Variants in ARID1B observed in about 807,000 individuals in gnomAD.
The protein encoded by ARID1B is AT-rich interaction domain 1B, also known as AT-rich interactive domain-containing protein 1B.
A neutral mutation model predicts 212.3 loss-of-function variants in ARID1B; 30 were observed. The ratio of observed to expected loss-of-function variants is 0.14; its 90% CI spans 0.11 to 0.19. The LOEUF (loss-of-function observed/expected upper bound fraction) is 0.19, where lower values mean the gene tolerates loss of function less well. ARID1B is among the 10% of genes least tolerant of loss of function. The pLI is 1.00. For synonymous variants in ARID1B, 1,402 were observed against 1,301.7 expected, an observed-to-expected ratio of 1.08 and a Z score of -1.66; for missense variants, 2,891 against 3,204.0, an observed-to-expected ratio of 0.90 and a Z score of 2.36.
intron 2 of ARID1B, among the ~76,000 whole-genome samples, chr6:156,896,249 A>G (rs1275186520): frequency 6.6e-6 from 1 of 152,164 alleles, no homozygotes; most frequent in Non-Finnish European, 1.5e-5. Flanking sequence ...TCATGGGGTC[A>G]GTGTACCTTT....
chr6:156,875,962 A>T lies in ARID1B; in HGVS notation c.1987-25414A>T, dbSNP rs115626941. Among the ~76,000 whole-genome samples the T allele has an allele frequency of 3.1e-3, 477 of 152,364 alleles. 4 individuals carry two copies. Among genetic ancestry groups the T allele is most frequent in the African/African-American group, 0.011 (460 of 41,578 alleles). ...CTGCTTTCCTGAAATTGCAAATTCC[A>T]TTCCAGATTTTAGTGTTACTGAAGT... On this transcript the variant is annotated intron_variant, in intron 2 of 19. Coordinates refer to ENST00000636930, the MANE Select transcript of ARID1B (RefSeq NM_001374828.1).
chr6:156,897,624 T>G (rs1454223703), intron 2 of ARID1B, among the ~76,000 whole-genome samples: 4 of 151,980 alleles, frequency 2.6e-5, no homozygotes, highest in African/African-American at 9.7e-5. Flanking sequence ...TGAGGCATTT[T>G]TTTTTGAGAT....
intron 4 of ARID1B, among the ~76,000 whole-genome samples, chr6:156,949,355 C>T (rs1384139394): frequency 6.6e-6 from 1 of 152,202 alleles, no homozygotes; most frequent in Non-Finnish European, 1.5e-5. Flanking sequence ...AGCCGGGATA[C>T]TCCACCTAGA....
chr6:157,201,945 C>A lies in ARID1B; in HGVS notation c.5263+457C>A, dbSNP rs866242572. Among the ~76,000 whole-genome samples the A allele has an allele frequency of 3.9e-5, 6 of 152,124 alleles. No homozygotes were observed. The highest frequency in any genetic ancestry group is 4.4e-5 in the Non-Finnish European group (3 of 68,026). On this transcript the variant is annotated intron_variant, in intron 18 of 19. Transcript: ENST00000636930. The surrounding 1 kb of genome is among the most constrained non-coding windows in gnomAD (Gnocchi z 5.2). ...ATCACTACAATACGTGCCTAACAGA[C>A]CCCCCCATGAGGCTAATGAAATGCT...
In ARID1B at chr6:157,200,126, C is replaced by T. The variant is rs1350681044; in HGVS notation, c.4480-579C>T. On this transcript the variant is annotated intron_variant, in intron 17 of 19. Coordinates refer to ENST00000636930, the MANE Select transcript of ARID1B (RefSeq NM_001374828.1). This position sits in a 1 kb window ranked among gnomAD's most constrained non-coding sequence, Gnocchi z 4.3. ...AGCTTAATAACAGGTGTGGTCCCAG[C>T]CCTGTCCTCAGTGCTGGGACCAGTG... Among the ~76,000 whole-genome samples the T allele has an allele frequency of 1.3e-5, 2 of 152,186 alleles. No homozygotes were observed. Among genetic ancestry groups the T allele is most frequent in the African/African-American group, 4.8e-5 (2 of 41,420 alleles).
intron 4 of ARID1B, among the ~76,000 whole-genome samples, chr6:156,991,105 C>T (rs973868016): frequency 4.6e-5 from 7 of 152,188 alleles, no homozygotes; most frequent in South Asian, 2.1e-4. Flanking sequence ...ACTTGACTTG[C>T]CGACTGTTGC....
At chr6:156,855,870 T>C (rs1257519837) in intron 2 of ARID1B, among the ~76,000 whole-genome samples, 2 of 152,358 alleles carry the variant, frequency 1.3e-5, no homozygotes, top group African/African-American at 4.8e-5. Flanking sequence ...AGGGATGCTA[T>C]CATACTTTTA....
chr6:157,008,043 A>C (rs1015749020), intron 4 of ARID1B, among the ~76,000 whole-genome samples: 13 of 152,226 alleles, frequency 8.5e-5, no homozygotes, highest in Non-Finnish European at 1.9e-4. Context: ...CAAAACATTT[A>C]AATTCGGCAA....
At chr6:157,184,183 A>G (rs1280249354) in intron 12 of ARID1B, 48 bp from the exon 13 acceptor site, 1 of 1,533,334 alleles carries the variant, frequency 6.5e-7, no homozygotes, top group East Asian at 2.3e-5. Context: ...CTGGCTTTAA[A>G]CAAGCCACTT....
At chr6:157,062,489 G>C (rs533891568) in intron 4 of ARID1B, among the ~76,000 whole-genome samples, 1 of 151,784 alleles carries the variant, frequency 6.6e-6, no homozygotes, top group Non-Finnish European at 1.5e-5. Flanking sequence ...GTGAGCCACC[G>C]AACATGGCTT....
intron 2 of ARID1B, among the ~76,000 whole-genome samples, chr6:156,880,989 G>A (rs1787035488): frequency 6.6e-6 from 1 of 152,186 alleles, no homozygotes; most frequent in Non-Finnish European, 1.5e-5. Context: ...AAAGAGAAGG[G>A]TTTAGAATTC....
At chr6:157,179,404 T>A (rs2128313625) in intron 11 of ARID1B, among the ~76,000 whole-genome samples, 1 of 152,178 alleles carries the variant, frequency 6.6e-6, no homozygotes, top group East Asian at 1.9e-4. Context: ...ATATGAAAAA[T>A]AAGCTTTAAA....
At position 157,210,009 on chromosome 6, in the gene ARID1B, A is replaced by G; in HGVS notation, c.*2118A>G. 2 of 233,166 alleles carry G rather than the reference A, an allele frequency of 8.6e-6. No individual in the cohort carries two copies. Among genetic ancestry groups the G allele is most frequent in the Non-Finnish European group, 1.7e-5 (2 of 117,998 alleles). The allele number at this position is 233,166 out of a possible 1,614,324, so 14.4% of individuals were successfully genotyped here. On this transcript the variant is annotated 3_prime_UTR_variant, in exon 20 of 20. Coordinates refer to ENST00000636930, the MANE Select transcript of ARID1B (RefSeq NM_001374828.1). Reference sequence around the variant, plus strand: ...CCTCGCATACATTGTGTCGGTTCACATTACTCACAGTAATATATGGAAGAG... The same window carrying G: ...CCTCGCATACATTGTGTCGGTTCACGTTACTCACAGTAATATATGGAAGAG...
rs530148132 is a variant in ARID1B at position 156,896,915 on chromosome 6, G to C, written c.1987-4461G>C. On this transcript the variant is annotated intron_variant, in intron 2 of 19. Transcript: ENST00000636930. ...AACAAACTTCTTTAGAAGGAAAAAG[G>C]GGGAGAGGGTAACCTTTGATCATTT... Among the ~76,000 whole-genome samples, 434 of 152,232 alleles carry C rather than the reference G, an allele frequency of 2.9e-3. 3 individuals carry two copies. The highest frequency in any genetic ancestry group is 9.8e-3 in the African/African-American group (408 of 41,534).
At chr6:157,078,985 C>T (rs750072758) in intron 4 of ARID1B, among the ~76,000 whole-genome samples, 28 of 152,246 alleles carry the variant, frequency 1.8e-4, no homozygotes, top group South Asian at 4.1e-4. Flanking sequence ...GCTTTTGATA[C>T]GGATTTTTGG....
At chr6:156,868,696 G>C (rs1785895269) in intron 2 of ARID1B, among the ~76,000 whole-genome samples, 1 of 152,168 alleles carries the variant, frequency 6.6e-6, no homozygotes, top group Non-Finnish European at 1.5e-5. Context: ...GCCATCACCT[G>C]GAGGGTTTAG....
Position 157,018,212 on chromosome 6 carries a change from C to CTTTTTTTTTTTTTTTTTTTTT in ARID1B, c.2248-66448_2248-66428dup, listed in dbSNP as rs1208883079. On this transcript the variant is annotated intron_variant, in intron 4 of 19. Transcript: ENST00000636930. ...GAATGTCTAAACAAAAAGTAGTATG[C>CTTTTTTTTTTTTTTTTTTTTT]TTTTTTTTTTTTTTTTTTTTTTGAG... is the stretch of plus-strand genomic sequence containing the variant. Among the ~76,000 whole-genome samples, 4 of 72,432 alleles carry CTTTTTTTTTTTTTTTTTTTTT rather than the reference C, an allele frequency of 5.5e-5. 1 individual carries two copies. Among genetic ancestry groups the CTTTTTTTTTTTTTTTTTTTTT allele is most frequent in the African/African-American group, 2.6e-4 (4 of 15,424 alleles). 47.5% of individuals were successfully genotyped at this position (72,432 alleles called of 152,430 possible). A position where few individuals can be genotyped will look rare whatever the true frequency, so the allele number is the denominator to read the frequency against.
chr6:156,779,429 G>C lies in ARID1B; in HGVS notation c.1749G>C (p.Ala583=), dbSNP rs2115005515. Residue 583 remains alanine (A), a synonymous_variant, in exon 1 of 20, where the codon GCG becomes GCC. Coordinates refer to ENST00000636930, the MANE Select transcript of ARID1B (RefSeq NM_001374828.1). ...WAAAQQRSHP[A]MSPGTPGPTM... is the part of the protein sequence containing the mutation. ...CCGCGCAACAAAGGAGTCACCCGGC[G>C]ATGAGCCCCGGCACCCCCGGACCGA... 1 of 1,465,712 alleles carries C rather than the reference G, an allele frequency of 6.8e-7. No homozygotes were observed. Among genetic ancestry groups the C allele is most frequent in the Non-Finnish European group, 9.0e-7 (1 of 1,106,596 alleles). The allele number at this position is 1,465,712 out of a possible 1,614,324, so 90.8% of individuals were successfully genotyped here. A position where few individuals can be genotyped will look rare whatever the true frequency, so the allele number is the denominator to read the frequency against.
At chr6:156,840,951 G>T (rs1205194330) in intron 2 of ARID1B, among the ~76,000 whole-genome samples, 4 of 152,316 alleles carry the variant, frequency 2.6e-5, no homozygotes, top group Admixed American at 2.6e-4. Context: ...GTGTACCTGT[G>T]ATGGGAGCTA....
Sources: gnomAD v4.1 joint callset for allele counts (sites outside exome capture counted in the v4.1 genomes callset) on GRCh38, gnomAD v4.1.1 for gene constraint, Gnocchi (gnomAD v3.1) non-coding constraint, MANE v1.5 for transcripts, NCBI Gene and HGNC (gene_info 2026-07-23, HGNC 2026-07-21) for gene names.